Variants in CLIC5 observed in about 807,000 individuals in gnomAD.
The protein encoded by CLIC5 is CLIC family member 5, also known as chloride intracellular channel protein 5.
CLIC5 carries 20 observed loss-of-function variants against 24.7 expected under a neutral mutation model. The observed-to-expected ratio is 0.81, with a 90% confidence interval of 0.57 to 1.18. The LOEUF (loss-of-function observed/expected upper bound fraction) is 1.18. Ranked by LOEUF, CLIC5 falls within the 50% of genes most tolerant of loss-of-function variation. The pLI, the probability that CLIC5 is intolerant of heterozygous loss-of-function variation, is 0.00. For missense variants in CLIC5, 341 were observed against 326.1 expected, an observed-to-expected ratio of 1.05 and a Z score of -0.35; for synonymous variants, 159 against 135.6, an observed-to-expected ratio of 1.17 and a Z score of -1.20.
chr6:45,938,507 G>A (rs1235295048), intron 4 of CLIC5, among the ~76,000 whole-genome samples: 1 of 152,188 alleles, frequency 6.6e-6, no homozygotes, highest in East Asian at 1.9e-4. Flanking sequence ...TCTGGGGACA[G>A]GCTCTTTGGG....
intron 5 of CLIC5, chr6:45,912,790 A>T: frequency 2.4e-6 from 3 of 1,248,244 alleles, no homozygotes; most frequent in Non-Finnish European, 3.4e-6. Context: ...AGTAGTTAAT[A>T]ACTTCAAAGA....
At chr6:45,983,137 A>G (rs1765621103) in intron 1 of CLIC5, among the ~76,000 whole-genome samples, 1 of 152,236 alleles carries the variant, frequency 6.6e-6, no homozygotes, top group African/African-American at 2.4e-5. Flanking sequence ...ATAATGCTCA[A>G]CAAATCTGTT....
chr6:45,968,044 A>G (rs1271658783), intron 1 of CLIC5, among the ~76,000 whole-genome samples: 1 of 152,186 alleles, frequency 6.6e-6, no homozygotes, highest in Non-Finnish European at 1.5e-5. Flanking sequence ...TTCATGCTCT[A>G]TTAGGAAAAC....
intron 3 of CLIC5, among the ~76,000 whole-genome samples, chr6:45,944,175 G>A (rs1764218713): frequency 6.6e-6 from 1 of 151,730 alleles, no homozygotes; most frequent in Admixed American, 6.6e-5. Flanking sequence ...TTTGTCTGAG[G>A]TTCTCAAGCT....
At chr6:46,024,091 C>T (rs1767260812) in intron 1 of CLIC5, among the ~76,000 whole-genome samples, 1 of 152,178 alleles carries the variant, frequency 6.6e-6, no homozygotes. Flanking sequence ...CCAGCAGTTA[C>T]ATTTGTGAGA....
chr6:46,081,784 A>G (rs1762923387), upstream of CLIC5, among the ~76,000 whole-genome samples: 1 of 152,308 alleles, frequency 6.6e-6, no homozygotes, highest in East Asian at 1.9e-4. Flanking sequence ...AAGTTTACAC[A>G]AAAACTTAAT....
In CLIC5 at chr6:45,920,666, A is replaced by C. The variant is rs982802923; in HGVS notation, c.407-6257T>G. 3.1e-6 allele frequency: 3 copies of C among 980,046 alleles called. No homozygotes were observed. In the African/African-American group the frequency reaches 5.3e-5, roughly 17 times the overall value. The allele number at this position is 980,046 out of a possible 1,614,324, so 60.7% of individuals were successfully genotyped here. On this transcript the variant is annotated intron_variant, in intron 4 of 5. Coordinates refer to ENST00000339561, the MANE Select transcript of CLIC5 (RefSeq NM_016929.5). ...CACCACTTACTCATCTGTTGGAAGAAGAAGCCTTTCTTTCCACAGGCAGCT... is the reference window on the plus strand; with the variant it reads ...CACCACTTACTCATCTGTTGGAAGACGAAGCCTTTCTTTCCACAGGCAGCT...
At chr6:45,922,642 G>A (rs940264010) in intron 4 of CLIC5, among the ~76,000 whole-genome samples, 2 of 152,074 alleles carry the variant, frequency 1.3e-5, no homozygotes, top group Non-Finnish European at 2.9e-5. Flanking sequence ...AGTATGAAGG[G>A]AGGTAGGGAC....
intron 4 of CLIC5, among the ~76,000 whole-genome samples, chr6:45,923,328 C>T (rs985664883): frequency 1.3e-5 from 2 of 152,306 alleles, no homozygotes; most frequent in East Asian, 1.9e-4. Flanking sequence ...TCATCCGTTC[C>T]AGCGTTTAGA....
chr6:45,881,964 AAAG>A (rs1257440405), intron 6 of CLIC5, among the ~76,000 whole-genome samples: 1 of 98,270 alleles, frequency 1.0e-5, no homozygotes, highest in African/African-American at 4.0e-5. Context: ...ATAGTCAGAG[AAAG>A]AAGACTTCCT....
chr6:45,960,444 C>T (rs1764808633), intron 1 of CLIC5, among the ~76,000 whole-genome samples: 1 of 152,202 alleles, frequency 6.6e-6, no homozygotes. Flanking sequence ...GGCTTTCTCA[C>T]CAGGGAGAAC....
chr6:46,025,910 C>G (rs1562011735), intron 1 of CLIC5, among the ~76,000 whole-genome samples: 1 of 152,128 alleles, frequency 6.6e-6, no homozygotes, highest in South Asian at 2.1e-4. Flanking sequence ...GTAAGACATG[C>G]CTTGCTTTCC....
chr6:45,976,047 G>A (rs1312642251), intron 1 of CLIC5, among the ~76,000 whole-genome samples: 1 of 152,104 alleles, frequency 6.6e-6, no homozygotes, highest in East Asian at 1.9e-4. Context: ...TCATCTCTGG[G>A]CCTCTGACAC....
chr6:45,923,852 C>T (rs938606927), intron 4 of CLIC5, among the ~76,000 whole-genome samples: 5 of 152,210 alleles, frequency 3.3e-5, no homozygotes, highest in Non-Finnish European at 7.3e-5. Flanking sequence ...ATGGGACCAG[C>T]TGCCTGGGCT....
At chr6:45,929,091 C>T (rs187907974) in intron 4 of CLIC5, among the ~76,000 whole-genome samples, 4 of 152,176 alleles carry the variant, frequency 2.6e-5, no homozygotes, top group East Asian at 3.9e-4. Context: ...CTAATGAATG[C>T]GCCCACCCAC....
chr6:45,892,323 T>G (rs1014583384), intron 6 of CLIC5: 7 of 152,240 alleles, frequency 4.6e-5, no homozygotes, highest in Admixed American at 2.0e-4. Context: ...GGACTGCCAT[T>G]AACACTACTT....
chr6:45,940,610 T>G (rs3777577), intron 4 of CLIC5, among the ~76,000 whole-genome samples: 2 of 152,168 alleles, frequency 1.3e-5, no homozygotes, highest in African/African-American at 4.8e-5. Context: ...ATCAGTCACT[T>G]GTTCATTCAC....
chr6:46,061,574 G>A (rs2127470366), intron 1 of CLIC5, among the ~76,000 whole-genome samples: 1 of 152,290 alleles, frequency 6.6e-6, no homozygotes, highest in Admixed American at 6.5e-5. Context: ...GTTGCATTTG[G>A]CCTTAGAGAC....
chr6:46,006,842 A>AT (rs1201593951), intron 1 of CLIC5, among the ~76,000 whole-genome samples: 3 of 151,360 alleles, frequency 2.0e-5, no homozygotes, highest in Non-Finnish European at 4.4e-5. Context: ...CACCCGGCTA[A>AT]TTTTTTTGTA....
Sources: allele counts gnomAD v4.1 joint callset (sites outside exome capture counted in the v4.1 genomes callset), GRCh38; gene constraint gnomAD v4.1.1; transcripts MANE v1.5; gene names NCBI Gene and HGNC (gene_info 2026-07-23, HGNC 2026-07-21).